MYO15A: variants seen among roughly 807,000 people sequenced by gnomAD.
The protein encoded by MYO15A is myosin XVA.
Under a neutral mutation model 394.6 loss-of-function variants are expected in MYO15A, and 308 were observed. The observed-to-expected ratio is 0.78, with a 90% CI of 0.71 to 0.86. The LOEUF (loss-of-function observed/expected upper bound fraction) is 0.86. MYO15A is among the 40% of genes least tolerant of loss of function. The pLI is 0.00. For missense variants in MYO15A, 4,606 were observed against 4,799.1 expected (o/e 0.96, Z 1.19); for synonymous variants, 1,957 against 2,003.8 (o/e 0.98, Z 0.62).
rs913779212 is a variant in MYO15A, at chr17:18,124,649, G to C, written c.3692+84G>C. On this transcript the variant is annotated intron_variant, in intron 3 of 65. Transcript: ENST00000647165. ...AGCCAGAGCAGCTCCTCCTGCAGTT[G>C]CCTCTCACCTCCCAGGACATTTTCA... 3 of 1,296,768 alleles carry C rather than the reference G, an allele frequency of 2.3e-6. No individual in the cohort carries two copies. In the African/African-American group the frequency reaches 4.4e-5, roughly 19 times the overall value. 80.3% of individuals were successfully genotyped at this position (1,296,768 alleles called of 1,614,324 possible).
At chr17:18,138,727 G>A in intron 17 of MYO15A, 84 bp from the exon 18 acceptor site, 1 of 1,554,260 alleles carries the variant, frequency 6.4e-7, no homozygotes, top group Non-Finnish European at 8.7e-7. Flanking sequence ...GTTGGGAGCA[G>A]TCGGGGATAG....
chr17:18,116,346 G>A (rs1183655688), intron 1 of MYO15A, among the ~76,000 whole-genome samples: 1 of 152,246 alleles, frequency 6.6e-6, no homozygotes, highest in Non-Finnish European at 1.5e-5. Flanking sequence ...ACCCAGTGAT[G>A]ACCCAGGAGC....
rs201794696 is a variant in MYO15A at position 18,171,676 on chromosome 17, G to A, written c.10121G>A (p.Arg3374His). The A allele has an allele frequency of 7.3e-5, 118 of 1,613,784 alleles. 1 individual carries two copies. In the African/African-American group the frequency reaches 8.7e-4, roughly 12 times the overall value. Residue 3374 changes from arginine to histidine, a missense_variant, in exon 63 of 66, where the codon CGT becomes CAT. Physicochemically the swap from Arg to His is conservative, Grantham distance 29. Coordinates refer to ENST00000647165, the MANE Select transcript of MYO15A (RefSeq NM_016239.4). Reference sequence around the variant, plus strand: ...GAGTACATCCCAGCCCAGCTCTACCGTACAACGGCAGGCTCGACCTGGCTC... The same window carrying A: ...GAGTACATCCCAGCCCAGCTCTACCATACAACGGCAGGCTCGACCTGGCTC... ...VQEYIPAQLY[R>H]TTAGSTWLNL...
In MYO15A at chr17:18,172,104, G is replaced by A. The variant is rs949933492; in HGVS notation, c.10217-53G>A. 9 of 1,612,940 alleles carry A rather than the reference G, an allele frequency of 5.6e-6. No individual in the cohort carries two copies. The African/African-American group carries it at 1.2e-4, about 22-fold the overall frequency. ...AGCTATGCAGTTCAGGGCCATGGCT[G>A]TTGTCAGTGAGCCCTGCCCAGCACG... On this transcript the variant is annotated intron_variant, in intron 63 of 65. Transcript: ENST00000647165.
chr17:18,171,626 C>G lies in MYO15A; in HGVS notation c.10083-12C>G. 1.2e-6 allele frequency: 2 copies of G among 1,613,882 alleles called. No homozygotes were observed. Among genetic ancestry groups the G allele is most frequent in the Non-Finnish European group, 1.7e-6 (2 of 1,180,044 alleles). On this transcript the variant is annotated splice_polypyrimidine_tract_variant and intron_variant, in intron 62 of 65. Coordinates refer to ENST00000647165, the MANE Select transcript of MYO15A (RefSeq NM_016239.4). ...CTCACTCAGGACCTTTTTCCCCTTCCTCCGTACACAGGCGGGAAGTCCAGG... is the reference window on the plus strand; with the variant it reads ...CTCACTCAGGACCTTTTTCCCCTTCGTCCGTACACAGGCGGGAAGTCCAGG...
In MYO15A at chr17:18,148,928, C is replaced by A. The variant is rs727503314; in HGVS notation, c.6932C>A (p.Ala2311Glu). Residue 2311 changes from alanine to glutamate, a missense_variant, in exon 33 of 66, where the codon GCA becomes GAA. Physicochemically the swap from Ala to Glu is moderately radical, Grantham distance 107. Around this residue, in one of 2 missense-constraint regions of MYO15A, gnomAD observed 2,776 missense variants for 3,109.3 expected, o/e 0.89. Transcript: ENST00000647165. This position sits in a 1 kb window ranked among gnomAD's most constrained non-coding sequence, Gnocchi z 4.8. ...TTCATTGTGGGCACAGAGGGGCCTG[C>A]AGCCAGCAGGGGAGGCCCCAAAGTG... is the stretch of plus-strand genomic sequence containing the variant. ...SYFIVGTEGP[A>E]ASRGGPKVVF... The A allele has an allele frequency of 8.7e-6, 14 of 1,602,564 alleles. No homozygotes were observed. The Middle Eastern group carries it at 2.0e-3, about 227-fold the overall frequency.
At chr17:18,171,865 C>A in intron 63 of MYO15A, 94 bp downstream of exon 63, 1 of 1,508,498 alleles carries the variant, frequency 6.6e-7, no homozygotes, top group Non-Finnish European at 8.8e-7. Flanking sequence ...TTTCTTTGCA[C>A]AAAGGCATTT....
At chr17:18,111,123 G>A (rs995596611) in intron 1 of MYO15A, among the ~76,000 whole-genome samples, 5 of 152,148 alleles carry the variant, frequency 3.3e-5, no homozygotes, top group African/African-American at 7.2e-5. Context: ...AATATTGCCC[G>A]GGGGCAAGGA....
At position 18,157,791 on chromosome 17, in the gene MYO15A, C is replaced by T. The variant is rs1179748718; in HGVS notation, c.8858C>T (p.Ala2953Val). ...TCGGAGCTGGTGCAGCCCGCTGCTG[C>T]CCCCGACTTCCTGCAGCTGCCAACG... ...FPSELVQPAA[A>V]PDFLQLPTEP... is the part of the protein sequence containing the mutation. The change falls in exon 51 of 66, where the codon GCC becomes GTC. Residue 2953 changes from alanine to valine, a missense_variant. By Grantham distance (64) the Ala-to-Val change is moderately conservative. Around this residue, in one of 2 missense-constraint regions of MYO15A, gnomAD observed 2,776 missense variants for 3,109.3 expected, o/e 0.89. Transcript: ENST00000647165. 7.5e-6 allele frequency: 12 copies of T among 1,603,414 alleles called. No homozygotes were observed. The highest frequency in any genetic ancestry group is 1.6e-4 in the Middle Eastern group (1 of 6,080).
rs146837388 is a variant in MYO15A at position 18,151,506 on chromosome 17, G to A, written c.7766G>A (p.Gly2589Glu). 4 of 1,614,032 alleles carry A rather than the reference G, an allele frequency of 2.5e-6. No individual in the cohort carries two copies. The highest frequency in any genetic ancestry group is 1.6e-4 in the Middle Eastern group (1 of 6,084). Reference sequence around the variant, plus strand: ...AGGCAGTACCAGCAGCCGTTCCGGGGAGGCCGGCCTGAGGCCCTCAGGTCA... The same window carrying A: ...AGGCAGTACCAGCAGCCGTTCCGGGAAGGCCGGCCTGAGGCCCTCAGGTCA... ...IVRQYQQPFR[G>E]GRPEALRKDG... Residue 2589 changes from glycine to glutamate, a missense_variant, in exon 40 of 66, where the codon GGA becomes GAA. Around this residue, in one of 2 missense-constraint regions of MYO15A, gnomAD observed 2,776 missense variants for 3,109.3 expected, o/e 0.89. Transcript: ENST00000647165.
chr17:18,141,846 C>T, intron 23 of MYO15A, 76 bp downstream of exon 23: 1 of 1,488,962 alleles, frequency 6.7e-7, no homozygotes, highest in Non-Finnish European at 9.4e-7. Context: ...CAGAAATGTC[C>T]AAGCTAGAGA....
Position 18,153,901 on chromosome 17 carries a change from C to G in MYO15A, c.8088+5C>G, listed in dbSNP as rs9916193. Reference sequence around the variant, plus strand: ...AAGATCTTCCTGCGCAAAGAGGTGCCGAGCACAGCCGTAGCCAGGGGAGGG... The same window carrying G: ...AAGATCTTCCTGCGCAAAGAGGTGCGGAGCACAGCCGTAGCCAGGGGAGGG... On this transcript the variant is annotated splice_donor_5th_base_variant and intron_variant, in intron 43 of 65. Coordinates refer to ENST00000647165, the MANE Select transcript of MYO15A (RefSeq NM_016239.4). The surrounding 1 kb of genome is among the most constrained non-coding windows in gnomAD (Gnocchi z 4.1). 0.2 allele frequency: 324,138 copies of G among 1,613,094 alleles called. 35,467 individuals are homozygous for G. The highest frequency in any genetic ancestry group is 0.37 in the African/African-American group (27,620 of 74,878).
In MYO15A at chr17:18,119,882, A is replaced by G; in HGVS notation, c.1082A>G (p.His361Arg). 2 of 1,612,894 alleles carry G rather than the reference A, an allele frequency of 1.2e-6. No homozygotes were observed. Among genetic ancestry groups the G allele is most frequent in the Middle Eastern group, 1.6e-4 (1 of 6,062 alleles). ...APYPPYDLPY[H>R]TPYDVPYFDP... Reference sequence around the variant, plus strand: ...TACCCACCCTATGACCTCCCATACCACACTCCCTACGATGTACCCTACTTT... The same window carrying G: ...TACCCACCCTATGACCTCCCATACCGCACTCCCTACGATGTACCCTACTTT... The change falls in exon 2 of 66, where the codon CAC (histidine) becomes CGC (arginine). Residue 361 changes from histidine (H) to arginine (R), a missense_variant. His to Arg is a conservative substitution (Grantham distance 29, BLOSUM62 0). Coordinates refer to ENST00000647165, the MANE Select transcript of MYO15A (RefSeq NM_016239.4).
chr17:18,145,186 C>A (rs750533031), intron 29 of MYO15A, among the ~76,000 whole-genome samples: 3 of 152,180 alleles, frequency 2.0e-5, no homozygotes, highest in Non-Finnish European at 4.4e-5. Flanking sequence ...ACCTAGGGAG[C>A]CAAGGCAGGT....
At chr17:18,140,389 G>A (rs1003832418) in intron 19 of MYO15A, 128 bp from the exon 20 acceptor site, 41 of 1,319,758 alleles carry the variant, frequency 3.1e-5, no homozygotes, top group Admixed American at 5.4e-5. Flanking sequence ...AGGCCTTGCA[G>A]AGAGAACAGG....
rs542750202 is a variant in MYO15A at position 18,159,928 on chromosome 17, C to G, written c.9304-7C>G. 1.2e-5 allele frequency: 19 copies of G among 1,613,992 alleles called. No homozygotes were observed. Among genetic ancestry groups the G allele is most frequent in the East Asian group, 4.5e-5 (2 of 44,878 alleles). On this transcript the variant is annotated splice_region_variant and splice_polypyrimidine_tract_variant and intron_variant, in intron 55 of 65. Coordinates refer to ENST00000647165, the MANE Select transcript of MYO15A (RefSeq NM_016239.4). ...CTTTGGTGTGTAACCTCCCTGCCCC[C>G]CTTCAGCTGTGCGGGGACCATGAGG...
chr17:18,173,656 G>C, intron 64 of MYO15A, 125 bp from the exon 65 acceptor site: 2 of 1,306,494 alleles, frequency 1.5e-6, no homozygotes, highest in Non-Finnish European at 2.2e-6. Context: ...AGTCACTGGG[G>C]AACTGGTACT....
intron 64 of MYO15A, 80 bp from the exon 65 acceptor site, chr17:18,173,701 T>C (rs556491158): frequency 1.7e-4 from 265 of 1,591,718 alleles, no homozygotes; most frequent in Non-Finnish European, 1.8e-4. Flanking sequence ...CCTACAGATC[T>C]GATTTGCAGG....
At chr17:18,173,467 G>A (rs985772958) in intron 64 of MYO15A, 2 of 395,488 alleles carry the variant, frequency 5.1e-6, no homozygotes, top group African/African-American at 4.1e-5. Flanking sequence ...GTGTTCACAA[G>A]AAGCAACTTT....
Sources: gnomAD v4.1 joint callset for allele counts (sites outside exome capture counted in the v4.1 genomes callset) on GRCh38, gnomAD v4.1.1 for gene constraint, gnomAD v4.1.1 regional missense constraint, Gnocchi (gnomAD v3.1) non-coding constraint, MANE v1.5 for transcripts, NCBI Gene and HGNC (gene_info 2026-07-23, HGNC 2026-07-21) for gene names.